TM7SF3: variants seen among roughly 807,000 people sequenced by gnomAD.
TM7SF3 encodes transmembrane 7 superfamily member 3, also known as seven span transmembrane protein.
Under a neutral mutation model 65.5 loss-of-function variants are expected in TM7SF3, and 60 were observed. The ratio of observed to expected loss-of-function variants is 0.92; its 90% CI spans 0.74 to 1.14. The LOEUF (loss-of-function observed/expected upper bound fraction) is 1.14. Among genes scored for constraint, TM7SF3 ranks in the 50% most tolerant of loss-of-function variants. TM7SF3 has a pLI of 0.00. For synonymous variants in TM7SF3, 264 were observed against 259.6 expected, an observed-to-expected ratio of 1.02 and a Z score of -0.16; for missense variants, 623 against 684.8, an observed-to-expected ratio of 0.91 and a Z score of 1.01.
At chr12:27,002,288 C>T (rs776733492) in intron 2 of TM7SF3, among the ~76,000 whole-genome samples, 1 of 144,694 alleles carries the variant, frequency 6.9e-6, no homozygotes, top group Non-Finnish European at 1.5e-5. Flanking sequence ...CAGAGCAAAA[C>T]CCCATCTCTA....
At chr12:26,974,315 T>A in intron 11 of TM7SF3, 88 bp from the exon 12 acceptor site, 2 of 1,357,016 alleles carry the variant, frequency 1.5e-6, no homozygotes, top group Non-Finnish European at 1.0e-6. Flanking sequence ...TAAATCTGTA[T>A]ATTCCTTTCT....
intron 3 of TM7SF3, among the ~76,000 whole-genome samples, chr12:26,998,634 A>G (rs1940701018): frequency 6.6e-6 from 1 of 152,114 alleles, no homozygotes. Flanking sequence ...TGGATATCTC[A>G]AATCCTGCTC....
At chr12:26,976,225 T>C in intron 10 of TM7SF3, 35 bp downstream of exon 10, 2 of 1,450,972 alleles carry the variant, frequency 1.4e-6, no homozygotes, top group Non-Finnish European at 9.7e-7. Flanking sequence ...CAGGATAACA[T>C]AATCAATAAA....
intron 5 of TM7SF3, among the ~76,000 whole-genome samples, chr12:26,992,140 T>A (rs1318871302): frequency 6.6e-6 from 1 of 152,092 alleles, no homozygotes; most frequent in East Asian, 1.9e-4. Context: ...CATCGTAAAG[T>A]CAAAATGCAT....
chr12:26,978,070 T>C (rs1263651295), intron 9 of TM7SF3: 4 of 452,324 alleles, frequency 8.8e-6, no homozygotes, highest in South Asian at 1.6e-5. Context: ...CAGTCCAGCA[T>C]GGGTGACAGA....
At chr12:26,998,242 C>T (rs1940684324) in intron 3 of TM7SF3, among the ~76,000 whole-genome samples, 1 of 152,164 alleles carries the variant, frequency 6.6e-6, no homozygotes, top group African/African-American at 2.4e-5. Flanking sequence ...CAGTGCCTGA[C>T]ACATAGTAGG....
Position 26,979,808 on chromosome 12 carries a change from A to C in TM7SF3, c.1165T>G (p.Ser389Ala), listed in dbSNP as rs574400506. The C allele has an allele frequency of 6.2e-7, 1 of 1,614,100 alleles. No homozygotes were observed. Among genetic ancestry groups the C allele is most frequent in the South Asian group, 1.1e-5 (1 of 91,068 alleles). ...CCCAGTGGAGTAAAGAAAGTCACTG[A>C]CGAGATGAGGAACCCCAGCACTAGT... ...VGLVLGFLIS[S>A]VTFFTPLGNL... Residue 389 changes from serine to alanine, a missense_variant, in exon 9 of 12, where the codon TCA becomes GCA. By Grantham distance (99) the Ser-to-Ala change is moderately conservative (BLOSUM62 1). Coordinates refer to ENST00000343028, the MANE Select transcript of TM7SF3 (RefSeq NM_016551.3).
chr12:26,992,574 A>G (rs1352744779), intron 5 of TM7SF3, among the ~76,000 whole-genome samples: 3 of 152,104 alleles, frequency 2.0e-5, no homozygotes, highest in Non-Finnish European at 4.4e-5. Context: ...GTGAGCCACC[A>G]TGTCCGGCCC....
At chr12:26,979,486 C>T (rs1299938411) in intron 9 of TM7SF3, 4 of 306,692 alleles carry the variant, frequency 1.3e-5, no homozygotes, top group African/African-American at 2.2e-5. Context: ...GCCATCAGAG[C>T]CTTTACCTCC....
At chr12:26,995,767 C>CA (rs1940566001) in intron 4 of TM7SF3, among the ~76,000 whole-genome samples, 1 of 152,158 alleles carries the variant, frequency 6.6e-6, no homozygotes, top group South Asian at 2.1e-4. Flanking sequence ...TGTGTGGACA[C>CA]AATGACAACC....
intron 3 of TM7SF3, among the ~76,000 whole-genome samples, chr12:26,998,023 G>A (rs1393182692): frequency 2.6e-5 from 4 of 151,830 alleles, no homozygotes; most frequent in African/African-American, 7.3e-5. Context: ...ATAGAGTTTC[G>A]CCATGTTGGC....
chr12:26,975,380 C>T, intron 11 of TM7SF3, 116 bp downstream of exon 11: 1 of 1,017,904 alleles, frequency 9.8e-7, no homozygotes, highest in Non-Finnish European at 1.5e-6. Context: ...GCTGTGTTCC[C>T]TCCTTTTGTC....
chr12:26,974,264 G>A (rs750873206), intron 11 of TM7SF3, 37 bp from the exon 12 acceptor site: 4 of 1,587,050 alleles, frequency 2.5e-6, no homozygotes, highest in South Asian at 1.1e-5. Context: ...TTGAACTCTA[G>A]TATTTTAAAA....
At chr12:27,013,183 T>C (rs1017804061) in intron 1 of TM7SF3, among the ~76,000 whole-genome samples, 10 of 152,236 alleles carry the variant, frequency 6.6e-5, no homozygotes, top group Non-Finnish European at 1.3e-4. Context: ...AGTTCATTTA[T>C]GGATGACAAG....
At chr12:27,004,180 T>C (rs1216783064) in intron 1 of TM7SF3, among the ~76,000 whole-genome samples, 1 of 152,180 alleles carries the variant, frequency 6.6e-6, no homozygotes, top group Non-Finnish European at 1.5e-5. Context: ...GTGATGTGTT[T>C]CTGCCAGCTG....
At chr12:26,999,352 C>A (rs372257791) in intron 3 of TM7SF3, among the ~76,000 whole-genome samples, 174 bp downstream of exon 3, 1 of 151,610 alleles carries the variant, frequency 6.6e-6, no homozygotes, top group African/African-American at 2.4e-5. Flanking sequence ...GCCGAGATCG[C>A]GCCACTACAC....
chr12:26,973,836 G>T lies in TM7SF3; in HGVS notation c.*129C>A. 2 of 1,187,382 alleles carry T rather than the reference G, an allele frequency of 1.7e-6. No individual in the cohort carries two copies. Among genetic ancestry groups the T allele is most frequent in the Non-Finnish European group, 2.4e-6 (2 of 851,060 alleles). 73.6% of individuals were successfully genotyped at this position (1,187,382 alleles called of 1,614,324 possible). ...GTACACCCTTACCATATATCAATAA[G>T]GGCACCATAATATTATGCAAAGAAC... On this transcript the variant is annotated 3_prime_UTR_variant, in exon 12 of 12. Coordinates refer to ENST00000343028, the MANE Select transcript of TM7SF3 (RefSeq NM_016551.3).
At chr12:26,991,320 T>C (rs12229327) in intron 5 of TM7SF3, among the ~76,000 whole-genome samples, 11,028 of 150,926 alleles carry the variant, frequency 0.073, 506 homozygotes, top group Non-Finnish European at 0.1. Flanking sequence ...GCCCGGCTAA[T>C]TTTTTGTATT....
intron 10 of TM7SF3, chr12:26,975,912 A>G: frequency 3.7e-6 from 2 of 537,560 alleles, no homozygotes; most frequent in South Asian, 5.2e-5. Flanking sequence ...AAGGAACTTC[A>G]ACAATAAAAT....
Sources: allele counts gnomAD v4.1 joint callset (sites outside exome capture counted in the v4.1 genomes callset), GRCh38; gene constraint gnomAD v4.1.1; transcripts MANE v1.5; gene names NCBI Gene and HGNC (gene_info 2026-07-23, HGNC 2026-07-21).